BIRC6: variants seen among roughly 807,000 people sequenced by gnomAD.
The protein encoded by BIRC6 is dual E2 ubiquitin-conjugating enzyme/E3 ubiquitin-protein ligase BIRC6.
BIRC6 carries 98 observed loss-of-function variants against 503.3 expected under a neutral mutation model. The ratio of observed to expected loss-of-function variants is 0.19; its 90% CI spans 0.17 to 0.23. The LOEUF (loss-of-function observed/expected upper bound fraction) is 0.23, where lower values mean the gene tolerates loss of function less well. Ranked by LOEUF, BIRC6 falls within the 10% of genes least tolerant of loss-of-function variation. The probability of loss-of-function intolerance (pLI) is 1.00; values close to 1 mark genes in which losing one functional copy is unlikely to be tolerated. For missense variants in BIRC6, 5,360 were observed against 5,806.0 expected, an observed-to-expected ratio of 0.92 and a Z score of 2.50; for synonymous variants, 2,240 against 2,078.7, an observed-to-expected ratio of 1.08 and a Z score of -2.11.
rs745416969 is a variant in BIRC6 at position 32,515,378 on chromosome 2, A to G, written c.10957A>G (p.Ile3653Val). 6.2e-7 allele frequency: 1 copy of G among 1,613,630 alleles called. No individual in the cohort carries two copies. Among genetic ancestry groups the G allele is most frequent in the African/African-American group, 1.3e-5 (1 of 75,060 alleles). Residue 3653 changes from isoleucine (I) to valine (V), a missense_variant, in exon 55 of 74, where the codon ATT becomes GTT. Ile to Val is a conservative substitution (Grantham distance 29). Around this residue, in one of 16 missense-constraint regions of BIRC6, gnomAD observed 878 missense variants for 928.9 expected, o/e 0.95. Transcript: ENST00000421745. ...TAGCCACATTTCTAGCTCAGAAAGC[A>G]TTGCCCAGTCAATAGATATTTCCCA... is the stretch of plus-strand genomic sequence containing the variant. ...CFSHISSSES[I>V]AQSIDISQDK...
At chr2:32,532,288 TGTAAGTCTGAAATCAA>T (rs761425548) in intron 61 of BIRC6, 10 of 483,160 alleles carry the variant, frequency 2.1e-5, no homozygotes, top group Admixed American at 1.4e-4. Context: ...TTGAGGAGGC[TGTAAGTCTGAAATCAA>T]GATATCAGCA....
chr2:32,476,244 C>A lies in BIRC6; in HGVS notation c.6752C>A (p.Ala2251Glu). 1 of 1,551,118 alleles carries A rather than the reference C, an allele frequency of 6.4e-7. No homozygotes were observed. Among genetic ancestry groups the A allele is most frequent in the Non-Finnish European group, 8.7e-7 (1 of 1,146,602 alleles). ...AACCTACTAAAAGCAAAGCAGAAGG[C>A]ATTGGTAGAACAGATGGAAAAAGAA... ...QLNLLKAKQK[A>E]LVEQMEKEKI... Residue 2251 changes from alanine (A) to glutamate (E), a missense_variant, in exon 34 of 74, where the codon GCA (alanine) becomes GAA (glutamate). Transcript: ENST00000421745.
intron 33 of BIRC6, among the ~76,000 whole-genome samples, chr2:32,475,867 ATAT>A (rs1438406615): frequency 3.3e-5 from 5 of 152,052 alleles, no homozygotes; most frequent in Non-Finnish European, 7.4e-5. Context: ...AAGCTAAGAA[ATAT>A]TAAGCAATAA....
In BIRC6 at chr2:32,479,507, C is replaced by G. The variant is rs1448257788; in HGVS notation, c.7298C>G (p.Thr2433Arg). The change falls in exon 37 of 74, where the codon ACA (threonine) becomes AGA (arginine). Residue 2433 changes from threonine to arginine, a missense_variant. Thr to Arg is a moderately conservative substitution (Grantham distance 71, BLOSUM62 -1). This residue lies in a region of BIRC6 where 2,299 missense variants were observed against 2,267.2 expected (regional missense o/e 1.01). Coordinates refer to ENST00000421745, the MANE Select transcript of BIRC6 (RefSeq NM_016252.4). Reference protein sequence around the residue: ...PVAAEAMEEGTVGDDVGATAG... With the variant: ...PVAAEAMEEGRVGDDVGATAG... ...GCCGCAGAAGCCATGGAGGAAGGAA[C>G]AGTGGGTGATGATGTAGGTGCGACA... 5 of 1,604,996 alleles carry G rather than the reference C, an allele frequency of 3.1e-6. 1 individual carries two copies. Among genetic ancestry groups the G allele is most frequent in the Admixed American group, 3.4e-5 (2 of 58,708 alleles).
At chr2:32,391,715 G>A (rs949601871) in intron 4 of BIRC6, among the ~76,000 whole-genome samples, 2 of 151,866 alleles carry the variant, frequency 1.3e-5, no homozygotes, top group South Asian at 2.1e-4. Context: ...GTTTACTATC[G>A]TCCTTTAAAA....
rs767295720 is a variant in BIRC6 at position 32,515,419 on chromosome 2, C to T, written c.10998C>T (p.Arg3666=). Residue 3666 remains arginine (R), a synonymous_variant, in exon 55 of 74, where the codon CGC becomes CGT. Coordinates refer to ENST00000421745, the MANE Select transcript of BIRC6 (RefSeq NM_016252.4). ...SIDISQDKLR[R]HHVPQQCNKM... Reference sequence around the variant, plus strand: ...ATATTTCCCAGGACAAACTCAGGCGCCATCATGTCCCACAACAATGTAATA... The same window carrying T: ...ATATTTCCCAGGACAAACTCAGGCGTCATCATGTCCCACAACAATGTAATA... 1 of 1,613,064 alleles carries T rather than the reference C, an allele frequency of 6.2e-7. No individual in the cohort carries two copies. Among genetic ancestry groups the T allele is most frequent in the South Asian group, 1.1e-5 (1 of 91,068 alleles).
intron 22 of BIRC6, chr2:32,449,154 T>C (rs1017669245): frequency 2.6e-6 from 1 of 386,610 alleles, no homozygotes; most frequent in Non-Finnish European, 4.5e-6. Context: ...GTTGTGACTT[T>C]AATTTTTTGT....
intron 1 of BIRC6, among the ~76,000 whole-genome samples, chr2:32,372,515 G>C (rs2036129892): frequency 6.6e-6 from 1 of 151,952 alleles, no homozygotes; most frequent in Non-Finnish European, 1.5e-5. Flanking sequence ...CCATCGTATT[G>C]ATGCATCATT....
chr2:32,507,853 T>G (rs76890438), intron 50 of BIRC6, 127 bp from the exon 51 acceptor site: 1 of 803,646 alleles, frequency 1.2e-6, no homozygotes, highest in African/African-American at 1.8e-5. Flanking sequence ...TTTTGTTGTA[T>G]AAGTTTTCCT....
chr2:32,468,712 C>T lies in BIRC6; in HGVS notation c.6056C>T (p.Ser2019Phe). The change falls in exon 29 of 74, where the codon TCC becomes TTC. Residue 2019 changes from serine to phenylalanine, a missense_variant. By Grantham distance (155) the Ser-to-Phe change is radical. Transcript: ENST00000421745. Reference sequence around the variant, plus strand: ...CCAGAAGATTTAATTCAGACATCTTCCACAGAGCAGTTACGTACTATCATC... The same window carrying T: ...CCAGAAGATTTAATTCAGACATCTTTCACAGAGCAGTTACGTACTATCATC... The part of the protein sequence containing the change: ...SNPEDLIQTS[S>F]TEQLRTIIRY... 3 of 1,613,920 alleles carry T rather than the reference C, an allele frequency of 1.9e-6. No individual in the cohort carries two copies. Among genetic ancestry groups the T allele is most frequent in the Non-Finnish European group, 2.5e-6 (3 of 1,179,818 alleles).
intron 1 of BIRC6, among the ~76,000 whole-genome samples, chr2:32,361,019 C>T (rs1004357099): frequency 5.3e-5 from 8 of 152,170 alleles, no homozygotes; most frequent in Non-Finnish European, 1.2e-4. Flanking sequence ...CTCCTTGGCT[C>T]AGGCAGTCCT....
chr2:32,562,456 CTAAATT>C (rs1257307323), intron 65 of BIRC6, among the ~76,000 whole-genome samples: 1 of 152,136 alleles, frequency 6.6e-6, no homozygotes, highest in Non-Finnish European at 1.5e-5. Context: ...TTATTTTTAA[CTAAATT>C]TATAGTTGAA....
At position 32,464,565 on chromosome 2, in the gene BIRC6, A is replaced by G. The variant is rs773775563; in HGVS notation, c.4998A>G (p.Ala1666=). Residue 1666 remains alanine (A), a synonymous_variant, in exon 25 of 74, where the codon GCA becomes GCG. Coordinates refer to ENST00000421745, the MANE Select transcript of BIRC6 (RefSeq NM_016252.4). ...HQTTAAAAAA[A]SAVGPVHNSV... ...CAACAGCTGCAGCAGCTGCAGCAGCATCAGCAGTAGGTCCTGTTCACAACT... is the reference window on the plus strand; with the variant it reads ...CAACAGCTGCAGCAGCTGCAGCAGCGTCAGCAGTAGGTCCTGTTCACAACT... 2.5e-6 allele frequency: 4 copies of G among 1,608,114 alleles called. No homozygotes were observed. The highest frequency in any genetic ancestry group is 3.4e-6 in the Non-Finnish European group (4 of 1,176,670).
rs191345903 is a variant in BIRC6, at chr2:32,536,787, G to A, written c.12291+5236G>A. ...TGACTTAGGATTGACTTGGCAATGC[G>A]GGCTCTTTTTTGGTTCCATATGAGC... On this transcript the variant is annotated intron_variant, in intron 61 of 73. Coordinates refer to ENST00000421745, the MANE Select transcript of BIRC6 (RefSeq NM_016252.4). Among the ~76,000 whole-genome samples, 446 of 152,166 alleles carry A rather than the reference G, an allele frequency of 2.9e-3. 2 individuals are homozygous for A. Among genetic ancestry groups the A allele is most frequent in the Non-Finnish European group, 4.8e-3 (325 of 67,974 alleles).
At position 32,508,276 on chromosome 2, in the gene BIRC6, C is replaced by CTTTTTTTTTTT. The variant is rs10528992; in HGVS notation, c.9980+34_9980+44dup. The CTTTTTTTTTTT allele has an allele frequency of 1.4e-4, 120 of 864,810 alleles. 8 individuals carry two copies. The African/African-American group carries it at 2.7e-3, about 20-fold the overall frequency. The allele number at this position is 864,810 out of a possible 1,614,324, so 53.6% of individuals were successfully genotyped here. A position where few individuals can be genotyped will look rare whatever the true frequency, so the allele number is the denominator to read the frequency against. ...CAAAACAAGGTATGTTTTGTTTGTC[C>CTTTTTTTTTTT]TTTTTTTTTTTTTTTTTTTTTTTTT... On this transcript the variant is annotated intron_variant, in intron 51 of 73. Transcript: ENST00000421745.
At chr2:32,553,827 T>G (rs1454192647) in intron 65 of BIRC6, among the ~76,000 whole-genome samples, 1 of 152,236 alleles carries the variant, frequency 6.6e-6, no homozygotes, top group East Asian at 1.9e-4. Flanking sequence ...ATAGTAAGTT[T>G]GATGCTTTAA....
chr2:32,541,820 G>T (rs556045720), intron 61 of BIRC6, among the ~76,000 whole-genome samples: 1 of 152,162 alleles, frequency 6.6e-6, no homozygotes, highest in African/African-American at 2.4e-5. Flanking sequence ...TTATTCCTAA[G>T]TTCAGAAAAC....
At chr2:32,490,190 T>C in intron 43 of BIRC6, 39 bp downstream of exon 43, 2 of 1,447,522 alleles carry the variant, frequency 1.4e-6, no homozygotes, top group African/African-American at 1.4e-5. Flanking sequence ...CTCTGACATA[T>C]ACTTTAGTGT....
At chr2:32,471,799 A>C (rs748260874) in intron 32 of BIRC6, among the ~76,000 whole-genome samples, 33 of 152,308 alleles carry the variant, frequency 2.2e-4, no homozygotes, top group Non-Finnish European at 3.1e-4. Context: ...ATATGCTTAC[A>C]TATGGCTTAC....
Sources: allele counts gnomAD v4.1 joint callset (sites outside exome capture counted in the v4.1 genomes callset), GRCh38; gene constraint gnomAD v4.1.1; regional missense constraint gnomAD v4.1.1; transcripts MANE v1.5; gene names NCBI Gene and HGNC (gene_info 2026-07-23, HGNC 2026-07-21).